Variants in CARMIL1 observed in about 807,000 individuals in gnomAD.
CARMIL1 encodes the protein capping protein regulator and myosin 1 linker 1.
Under a neutral mutation model 177.1 loss-of-function variants are expected in CARMIL1, and 90 were observed. The ratio of observed to expected loss-of-function variants is 0.51; its 90% CI spans 0.43 to 0.61. CARMIL1 has a LOEUF of 0.61. Among genes scored for constraint, CARMIL1 ranks in the 20% least tolerant of loss-of-function variants. The pLI, the probability that CARMIL1 is intolerant of heterozygous loss-of-function variation, is 0.00. For missense variants in CARMIL1, 1,380 were observed against 1,667.0 expected, an observed-to-expected ratio of 0.83 and a Z score of 3.00; for synonymous variants, 577 against 606.2, an observed-to-expected ratio of 0.95 and a Z score of 0.71.
intron 2 of CARMIL1, among the ~76,000 whole-genome samples, chr6:25,390,016 G>A (rs2150526937): frequency 6.6e-6 from 1 of 152,142 alleles, no homozygotes; most frequent in Non-Finnish European, 1.5e-5. Flanking sequence ...TTAAAACATT[G>A]CAAAAGTGAA....
intron 20 of CARMIL1, among the ~76,000 whole-genome samples, chr6:25,513,052 A>C (rs979936417): frequency 6.6e-6 from 1 of 152,184 alleles, no homozygotes; most frequent in Non-Finnish European, 1.5e-5. Flanking sequence ...GACTCTGCCT[A>C]TTATTTTTAA....
intron 2 of CARMIL1, among the ~76,000 whole-genome samples, chr6:25,398,762 A>G (rs4367376): frequency 0.6 from 91,411 of 152,058 alleles, 27,797 homozygotes; most frequent in East Asian, 0.7. Context: ...TAATGTAACC[A>G]AGGATATGAG....
chr6:25,585,289 A>G (rs12192342), intron 31 of CARMIL1, among the ~76,000 whole-genome samples: 23,299 of 152,202 alleles, frequency 0.15, 1,893 homozygotes, highest in Middle Eastern at 0.21. Context: ...ATTAACAATT[A>G]TCGTTGTTTT....
intron 2 of CARMIL1, among the ~76,000 whole-genome samples, chr6:25,317,093 C>T (rs1784337484): frequency 6.6e-6 from 1 of 152,100 alleles, no homozygotes. Context: ...TGCTCAGTTC[C>T]ATGGGAGAAG....
chr6:25,285,041 G>T, intron 2 of CARMIL1, 132 bp downstream of exon 2: 2 of 597,944 alleles, frequency 3.3e-6, no homozygotes, highest in Non-Finnish European at 6.0e-6. Context: ...TGACCATTTT[G>T]TCTTAGGTTA....
At chr6:25,579,995 A>G (rs1042720311) in intron 29 of CARMIL1, among the ~76,000 whole-genome samples, 4 of 152,176 alleles carry the variant, frequency 2.6e-5, no homozygotes, top group African/African-American at 7.2e-5. Flanking sequence ...TTATACACGT[A>G]CCAGTTTCCT....
At chr6:25,551,362 C>A (rs910086351) in intron 27 of CARMIL1, among the ~76,000 whole-genome samples, 5 of 152,112 alleles carry the variant, frequency 3.3e-5, no homozygotes, top group Admixed American at 1.3e-4. Flanking sequence ...TGTTTGTAAT[C>A]CCTGTTTTCT....
At chr6:25,327,498 C>T (rs1444175915) in intron 2 of CARMIL1, among the ~76,000 whole-genome samples, 1 of 152,176 alleles carries the variant, frequency 6.6e-6, no homozygotes, top group African/African-American at 2.4e-5. Context: ...AACACAGCCC[C>T]AATTTTCTAT....
intron 31 of CARMIL1, among the ~76,000 whole-genome samples, chr6:25,589,399 A>G (rs1331035511): frequency 6.6e-6 from 1 of 152,222 alleles, no homozygotes; most frequent in Non-Finnish European, 1.5e-5. Context: ...TCCATTTACA[A>G]GTCTTGTTAC....
chr6:25,464,343 A>T (rs111546696), intron 8 of CARMIL1, among the ~76,000 whole-genome samples: 19 of 151,918 alleles, frequency 1.3e-4, no homozygotes, highest in African/African-American at 4.4e-4. Flanking sequence ...CAGGGTTCTG[A>T]CTGTAGTTCT....
At chr6:25,346,424 A>G (rs1787519185) in intron 2 of CARMIL1, among the ~76,000 whole-genome samples, 1 of 152,094 alleles carries the variant, frequency 6.6e-6, no homozygotes, top group South Asian at 2.1e-4. Flanking sequence ...CACTTCCTTC[A>G]GGTCTTTCTT....
chr6:25,282,147 G>A (rs1781178988), intron 1 of CARMIL1, among the ~76,000 whole-genome samples: 1 of 145,404 alleles, frequency 6.9e-6, no homozygotes, highest in African/African-American at 2.5e-5. Flanking sequence ...AAGTGTTATA[G>A]ACTTTATGTA....
chr6:25,343,759 A>G (rs760864), intron 2 of CARMIL1, among the ~76,000 whole-genome samples: 131,018 of 151,954 alleles, frequency 0.86, 56,609 homozygotes, highest in African/African-American at 0.88. Context: ...TGGGAGCATG[A>G]CCTTCATCTC....
intron 15 of CARMIL1, among the ~76,000 whole-genome samples, chr6:25,492,968 ATGG>A (rs1433810310): frequency 1.3e-5 from 2 of 152,186 alleles, no homozygotes; most frequent in Non-Finnish European, 2.9e-5. Flanking sequence ...TGAAAATATA[ATGG>A]TGGGAAAAGT....
intron 2 of CARMIL1, among the ~76,000 whole-genome samples, chr6:25,418,400 T>C (rs1157855956): frequency 6.6e-6 from 1 of 152,118 alleles, no homozygotes; most frequent in African/African-American, 2.4e-5. Flanking sequence ...TTGAACAATG[T>C]CCCTACAGAT....
chr6:25,367,056 T>C (rs771110955), intron 2 of CARMIL1, among the ~76,000 whole-genome samples: 3 of 152,254 alleles, frequency 2.0e-5, no homozygotes, highest in Non-Finnish European at 4.4e-5. Context: ...TGCTGAACTA[T>C]ACTCTTCAAT....
At chr6:25,557,484 T>C (rs940717458) in intron 29 of CARMIL1, among the ~76,000 whole-genome samples, 1 of 152,222 alleles carries the variant, frequency 6.6e-6, no homozygotes, top group South Asian at 2.1e-4. Flanking sequence ...TATTTCATTA[T>C]TTTAAAATTT....
At chr6:25,406,208 G>A (rs1794353049) in intron 2 of CARMIL1, among the ~76,000 whole-genome samples, 1 of 152,208 alleles carries the variant, frequency 6.6e-6, no homozygotes, top group Non-Finnish European at 1.5e-5. Flanking sequence ...ACCTGGTGTA[G>A]TCTGGACTTT....
At chr6:25,310,063 G>C (rs2744298) in intron 2 of CARMIL1, among the ~76,000 whole-genome samples, 108,473 of 151,934 alleles carry the variant, frequency 0.71, 39,272 homozygotes, top group African/African-American at 0.83. Flanking sequence ...CCACCCCGCC[G>C]GGCCACATCT....
Sources: gnomAD v4.1 joint callset for allele counts (sites outside exome capture counted in the v4.1 genomes callset) on GRCh38, gnomAD v4.1.1 for gene constraint, MANE v1.5 for transcripts, NCBI Gene and HGNC (gene_info 2026-07-23, HGNC 2026-07-21) for gene names.